Variants in TMEM44 observed in about 807,000 individuals in gnomAD.
The protein encoded by TMEM44 is transmembrane protein 44.
Under a neutral mutation model 47.8 loss-of-function variants are expected in TMEM44, and 43 were observed. The observed-to-expected ratio is 0.90, with a 90% CI of 0.70 to 1.16. The LOEUF is 1.16. Ranked by LOEUF, TMEM44 falls within the 50% of genes most tolerant of loss-of-function variation. The pLI, the probability that TMEM44 is intolerant of heterozygous loss-of-function variation, is 0.00. For synonymous variants in TMEM44, 277 were observed against 238.8 expected, an observed-to-expected ratio of 1.16 and a Z score of -1.48; for missense variants, 568 against 555.2, an observed-to-expected ratio of 1.02 and a Z score of -0.23.
Position 194,604,303 on chromosome 3 carries a change from A to T in TMEM44, c.1160T>A (p.Ile387Asn). The T allele has an allele frequency of 6.3e-7, 1 of 1,581,632 alleles. No homozygotes were observed. Among genetic ancestry groups the T allele is most frequent in the Non-Finnish European group, 8.6e-7 (1 of 1,164,634 alleles). The change falls in exon 9 of 10, where the codon ATC becomes AAC. Residue 387 changes from isoleucine (I) to asparagine (N), a missense_variant. By Grantham distance (149) the Ile-to-Asn change is moderately radical. Transcript: ENST00000347147. ...GCCGTGTACCTCCAGGTCGGAGTTG[A>T]TGGAGGAGACCTCAGAGGAGCTGCC... ...SSGSSSEVSS[I>N]NSDLEWDPED...
chr3:194,619,550 C>A (rs937939971), intron 5 of TMEM44, among the ~76,000 whole-genome samples: 11 of 152,232 alleles, frequency 7.2e-5, no homozygotes, highest in Admixed American at 2.0e-4. Context: ...GTGTTTCGTA[C>A]CCCTGTCCCA....
At chr3:194,632,174 G>T (rs1717892039) in intron 1 of TMEM44, among the ~76,000 whole-genome samples, 1 of 152,192 alleles carries the variant, frequency 6.6e-6, no homozygotes, top group African/African-American at 2.4e-5. Context: ...ATTGTGAGTG[G>T]CAGGCATTGA....
rs978989169 is a variant in TMEM44, at chr3:194,611,908, G to A, written c.913-888C>T. Among the ~76,000 whole-genome samples the A allele has an allele frequency of 1.2e-4, 18 of 152,098 alleles. No homozygotes were observed. The highest frequency in any genetic ancestry group is 3.6e-4 in the African/African-American group (15 of 41,410). ...AAGGTGGCGTGTGTCTGTAATCCTA[G>A]CTACGTGGGAGGCGGAGGCAGGAGA... On this transcript the variant is annotated intron_variant, in intron 7 of 9. Coordinates refer to ENST00000347147, the MANE Select transcript of TMEM44 (RefSeq NM_001011655.3). This position sits in a 1 kb window ranked among gnomAD's most constrained non-coding sequence, Gnocchi z 4.2.
intron 7 of TMEM44, among the ~76,000 whole-genome samples, chr3:194,614,368 G>A (rs1047644121): frequency 6.6e-6 from 1 of 152,156 alleles, no homozygotes; most frequent in Non-Finnish European, 1.5e-5. Flanking sequence ...GTGAAAGTGG[G>A]AATACAGTTT....
intron 9 of TMEM44, among the ~76,000 whole-genome samples, chr3:194,600,199 T>C (rs11719838): frequency 0.8 from 121,365 of 152,186 alleles, 48,531 homozygotes; most frequent in East Asian, 0.96. Flanking sequence ...TCAAGCAATC[T>C]TCCCACCTCA....
chr3:194,625,430 T>TTG (rs770325176), intron 3 of TMEM44, among the ~76,000 whole-genome samples: 2 of 62,702 alleles, frequency 3.2e-5, no homozygotes, highest in Non-Finnish European at 7.4e-5. Flanking sequence ...CCTTCTTTTT[T>TTG]GGGGGGGGGG....
chr3:194,609,524 A>G (rs1003527986), intron 8 of TMEM44, among the ~76,000 whole-genome samples: 2 of 152,078 alleles, frequency 1.3e-5, no homozygotes, highest in East Asian at 1.9e-4. Context: ...TGGTGGACTT[A>G]GCAGCTTGGA....
chr3:194,623,124 C>T (rs1343867838), intron 5 of TMEM44, 100 bp downstream of exon 5: 14 of 1,158,156 alleles, frequency 1.2e-5, no homozygotes, highest in African/African-American at 1.6e-5. Flanking sequence ...CATGCACCCA[C>T]GGTGACGCCA....
intron 1 of TMEM44, among the ~76,000 whole-genome samples, chr3:194,632,578 T>A (rs1717934570): frequency 1.3e-5 from 2 of 152,106 alleles, no homozygotes; most frequent in Admixed American, 1.3e-4. Context: ...TAAGAGGACT[T>A]TGGGTAAACT....
intron 6 of TMEM44, among the ~76,000 whole-genome samples, chr3:194,616,288 A>G (rs7619516): frequency 0.4 from 60,598 of 151,966 alleles, 12,963 homozygotes; most frequent in East Asian, 0.78. Context: ...CTGATCTCAG[A>G]TGATCCTCCC....
At chr3:194,632,747 A>AGGCCCAGAGAGGTTCTGGAGCT (rs1362193106) in intron 1 of TMEM44, among the ~76,000 whole-genome samples, 5 of 152,150 alleles carry the variant, frequency 3.3e-5, no homozygotes, top group Non-Finnish European at 5.9e-5. Flanking sequence ...CGGTCATAGG[A>AGGCCCAGAGAGGTTCTGGAGCT]GGCCCAGAGA....
intron 2 of TMEM44, among the ~76,000 whole-genome samples, 161 bp from the exon 3 acceptor site, chr3:194,626,151 A>T (rs1175858025): frequency 6.6e-6 from 1 of 152,156 alleles, no homozygotes; most frequent in African/African-American, 2.4e-5. Flanking sequence ...AAAGTCCATT[A>T]TCATGTCCAC....
In TMEM44 at chr3:194,633,281, C is replaced by T. The variant is rs1718033279; in HGVS notation, c.-66G>A. ...GCAGCCTCCCTCGCCGCGGGCAAGC[C>T]CCGAGCGCCGCCGCCCCGCGTGCCC... On this transcript the variant is annotated 5_prime_UTR_variant, in exon 1 of 10. Transcript: ENST00000347147. The T allele has an allele frequency of 2.4e-5, 20 of 849,054 alleles. No individual in the cohort carries two copies. In the South Asian group the frequency reaches 7.9e-4, roughly 34 times the overall value. The allele number at this position is 849,054 out of a possible 1,614,324, so 52.6% of individuals were successfully genotyped here. A position where few individuals can be genotyped will look rare whatever the true frequency, so the allele number is the denominator to read the frequency against.
Position 194,633,191 on chromosome 3 carries a change from G to C in TMEM44, c.25C>G (p.Pro9Ala). The change falls in exon 1 of 10, where the codon CCC becomes GCC. Residue 9 changes from proline (P) to alanine (A), a missense_variant. Coordinates refer to ENST00000347147, the MANE Select transcript of TMEM44 (RefSeq NM_001011655.3). ...AGGTAGTCCCAGTCCCAGAGCGCGGGCGCGGGGCTGGGCGCCTCCCCCATG... is the reference window on the plus strand; with the variant it reads ...AGGTAGTCCCAGTCCCAGAGCGCGGCCGCGGGGCTGGGCGCCTCCCCCATG... MGEAPSPAPALWDWDYLDR... is the reference protein window; with the variant it reads MGEAPSPAAALWDWDYLDR... 6.5e-7 allele frequency: 1 copy of C among 1,527,124 alleles called. No individual in the cohort carries two copies. Among genetic ancestry groups the C allele is most frequent in the Non-Finnish European group, 8.8e-7 (1 of 1,136,876 alleles). The allele number at this position is 1,527,124 out of a possible 1,614,324, so 94.6% of individuals were successfully genotyped here. A position where few individuals can be genotyped will look rare whatever the true frequency, so the allele number is the denominator to read the frequency against.
At position 194,611,095 on chromosome 3, in the gene TMEM44, T is replaced by C. The variant is rs1560177620; in HGVS notation, c.913-75A>G. On this transcript the variant is annotated intron_variant, in intron 7 of 9. Transcript: ENST00000347147. The surrounding 1 kb of genome is among the most constrained non-coding windows in gnomAD (Gnocchi z 4.2). ...GGCATTTTCTAAAAACAAGGTCACA[T>C]TTTATTCAAAAGGACCCCCGTGGTA... 2 of 1,272,382 alleles carry C rather than the reference T, an allele frequency of 1.6e-6. No individual in the cohort carries two copies. The highest frequency in any genetic ancestry group is 2.3e-6 in the Non-Finnish European group (2 of 882,568). 78.8% of individuals were successfully genotyped at this position (1,272,382 alleles called of 1,614,324 possible).
rs35689136 is a variant in TMEM44 at position 194,623,628 on chromosome 3, C to T, written c.426G>A (p.Pro142=). 9.4e-4 allele frequency: 1,521 copies of T among 1,612,418 alleles called. 17 individuals are homozygous for T. The South Asian group carries it at 0.01, about 11-fold the overall frequency. ...GAGCCCAGCACGGGCCCAGGCTCAG[C>T]GGCAGGGCCAGGGCAAACACACTGG... ...LRASVFALAL[P]LSLGPCWALW... Residue 142 remains proline (P), a synonymous_variant, in exon 4 of 10, where the codon CCG becomes CCA. Coordinates refer to ENST00000347147, the MANE Select transcript of TMEM44 (RefSeq NM_001011655.3).
At chr3:194,610,368 A>T (rs1381777944) in intron 8 of TMEM44, among the ~76,000 whole-genome samples, 2 of 152,164 alleles carry the variant, frequency 1.3e-5, no homozygotes, top group Non-Finnish European at 2.9e-5. Flanking sequence ...TTAGATCTAA[A>T]GGTCTTTGAA....
chr3:194,605,926 C>CA (rs1714727879), intron 8 of TMEM44, among the ~76,000 whole-genome samples: 1 of 152,022 alleles, frequency 6.6e-6, no homozygotes, highest in Non-Finnish European at 1.5e-5. Context: ...AAGCTCCTGT[C>CA]AGAGTCAGGT....
At chr3:194,624,685 C>CT (rs1716944591) in intron 3 of TMEM44, among the ~76,000 whole-genome samples, 1 of 151,484 alleles carries the variant, frequency 6.6e-6, no homozygotes, top group African/African-American at 2.4e-5. Context: ...TCCCGAAGTG[C>CT]TGGGATTACA....
Sources: allele counts gnomAD v4.1 joint callset (sites outside exome capture counted in the v4.1 genomes callset), GRCh38; gene constraint gnomAD v4.1.1; non-coding constraint Gnocchi (gnomAD v3.1); transcripts MANE v1.5; gene names NCBI Gene and HGNC (gene_info 2026-07-23, HGNC 2026-07-21).